SMC5: variants seen among roughly 807,000 people sequenced by gnomAD.
SMC5 encodes structural maintenance of chromosomes 5, also known as structural maintenance of chromosomes protein 5.
In SMC5, 88 loss-of-function variants were observed where a neutral mutation model predicts 148.3. The observed-to-expected ratio is 0.59, with a 90% CI of 0.50 to 0.71. The LOEUF (loss-of-function observed/expected upper bound fraction) is 0.71. SMC5 is among the 30% of genes least tolerant of loss of function. SMC5 has a pLI of 0.00. For missense variants in SMC5, 1,142 were observed against 1,298.9 expected, an observed-to-expected ratio of 0.88 and a Z score of 1.86; for synonymous variants, 421 against 432.8, an observed-to-expected ratio of 0.97 and a Z score of 0.34.
At chr9:70,310,374 A>G (rs2035625564) in intron 11 of SMC5, among the ~76,000 whole-genome samples, 1 of 152,076 alleles carries the variant, frequency 6.6e-6, no homozygotes, top group Non-Finnish European at 1.5e-5. Flanking sequence ...GTGACTAGGT[A>G]CATTGTCAGT....
intron 10 of SMC5, 27 bp downstream of exon 10, chr9:70,300,227 T>A: frequency 6.4e-7 from 1 of 1,560,274 alleles, no homozygotes; most frequent in East Asian, 2.3e-5. Flanking sequence ...ATCTTGGTAG[T>A]ATTGGTTTTA....
intron 10 of SMC5, among the ~76,000 whole-genome samples, chr9:70,303,900 C>G (rs1564045402): frequency 6.6e-6 from 1 of 152,056 alleles, no homozygotes; most frequent in African/African-American, 2.4e-5. Context: ...CTCTAAAATT[C>G]CCTAGATAGT....
intron 12 of SMC5, 150 bp from the exon 13 acceptor site, chr9:70,315,296 G>T (rs562569574): frequency 4.4e-4 from 170 of 382,256 alleles, no homozygotes; most frequent in Non-Finnish European, 6.0e-4. Context: ...AGTCATATGT[G>T]ATTTTAAAAT....
intron 14 of SMC5, 48 bp from the exon 15 acceptor site, chr9:70,318,746 A>G (rs778145872): frequency 1.9e-6 from 3 of 1,556,156 alleles, no homozygotes; most frequent in African/African-American, 1.4e-5. Context: ...TAATAGTTTC[A>G]CTGGAACAGT....
At chr9:70,268,504 A>T (rs1012006072) in intron 3 of SMC5, among the ~76,000 whole-genome samples, 3 of 152,118 alleles carry the variant, frequency 2.0e-5, no homozygotes, top group African/African-American at 7.2e-5. Flanking sequence ...AAAATTATCA[A>T]GGAAATGATA....
chr9:70,282,021 T>A (rs181200288), intron 6 of SMC5, among the ~76,000 whole-genome samples: 1 of 151,042 alleles, frequency 6.6e-6, no homozygotes, highest in East Asian at 2.0e-4. Flanking sequence ...TATTTTTCTT[T>A]TGACCCATTT....
rs554703284 is a variant in SMC5 at position 70,278,497 on chromosome 9, G to C, written c.550G>C (p.Val184Leu). ...NLCQFLPQDKVGEFAKLSKIE... is the reference protein window; with the variant it reads ...NLCQFLPQDKLGEFAKLSKIE... ...TTTAATTTTTGTGCTCTAGGACAAA[G>C]TTGGAGAATTTGCTAAACTCAGCAA... The change falls in exon 5 of 25, where the codon GTT (valine) becomes CTT (leucine). Residue 184 changes from valine (V) to leucine (L), a missense_variant. Physicochemically the swap from Val to Leu is conservative, Grantham distance 32 (BLOSUM62 1). Coordinates refer to ENST00000361138, the MANE Select transcript of SMC5 (RefSeq NM_015110.4). 6.2e-7 allele frequency: 1 copy of C among 1,605,106 alleles called. No individual in the cohort carries two copies. Among genetic ancestry groups the C allele is most frequent in the Non-Finnish European group, 8.5e-7 (1 of 1,177,768 alleles).
intron 8 of SMC5, among the ~76,000 whole-genome samples, chr9:70,296,534 C>T (rs11142356): frequency 0.22 from 32,157 of 147,608 alleles, 3,605 homozygotes; most frequent in South Asian, 0.29. Context: ...GCCTGGGCAA[C>T]AGAGTGAGAC....
intron 17 of SMC5, among the ~76,000 whole-genome samples, chr9:70,328,319 C>T (rs1342027978): frequency 6.6e-6 from 1 of 152,170 alleles, no homozygotes; most frequent in East Asian, 1.9e-4. Flanking sequence ...CCCTTTCCAC[C>T]TATGAACCTG....
chr9:70,323,662 A>T, intron 16 of SMC5, 56 bp downstream of exon 16: 1 of 1,549,440 alleles, frequency 6.5e-7, no homozygotes, highest in South Asian at 1.2e-5. Context: ...GGCAGATAAG[A>T]TAGTAAAATC....
intron 17 of SMC5, among the ~76,000 whole-genome samples, chr9:70,324,645 C>T (rs1194003625): frequency 2.6e-5 from 4 of 152,054 alleles, no homozygotes; most frequent in African/African-American, 9.7e-5. Flanking sequence ...CATAGGGGCT[C>T]GGTTCCCAAA....
At chr9:70,274,481 T>TC (rs927798391) in intron 3 of SMC5, among the ~76,000 whole-genome samples, 4 of 151,990 alleles carry the variant, frequency 2.6e-5, no homozygotes, top group African/African-American at 9.7e-5. Flanking sequence ...TTTTTTTTTT[T>TC]CCCAGTATTT....
rs1042253694 is a variant in SMC5 at position 70,352,933 on chromosome 9, G to GA, written c.*608dup. The GA allele has an allele frequency of 2.0e-5, 3 of 151,546 alleles. No homozygotes were observed. The highest frequency in any genetic ancestry group is 2.1e-4 in the South Asian group (1 of 4,790). 9.4% of individuals were successfully genotyped at this position (151,546 alleles called of 1,614,324 possible). Reference sequence around the variant, plus strand: ...TATAATTTTATTGGTATTTCAAGGGGAAAAAAGCACTGGGGTTCAAAAATG... The same window carrying GA: ...TATAATTTTATTGGTATTTCAAGGGGAAAAAAAGCACTGGGGTTCAAAAATG... On this transcript the variant is annotated 3_prime_UTR_variant, in exon 25 of 25. Coordinates refer to ENST00000361138, the MANE Select transcript of SMC5 (RefSeq NM_015110.4).
In SMC5 at chr9:70,305,223, A is replaced by G; in HGVS notation, c.1465-24A>G. On this transcript the variant is annotated intron_variant, in intron 10 of 24. Transcript: ENST00000361138. ...AATCAGTTGGGTTTCATGAAATTCG[A>G]CCTTTTTTTGCTTGTTTGTTTAGAT... The G allele has an allele frequency of 3.6e-6, 4 of 1,101,836 alleles. No individual in the cohort carries two copies. The South Asian group carries it at 5.8e-5, about 16-fold the overall frequency. The allele number at this position is 1,101,836 out of a possible 1,614,324, so 68.3% of individuals were successfully genotyped here. A position where few individuals can be genotyped will look rare whatever the true frequency, so the allele number is the denominator to read the frequency against.
chr9:70,346,487 G>A (rs116989868), intron 18 of SMC5, 118 bp from the exon 19 acceptor site: 26,394 of 996,338 alleles, frequency 0.026, 502 homozygotes, highest in Non-Finnish European at 0.031. Flanking sequence ...AAATTCAACT[G>A]TCAAAGTAAT....
At chr9:70,261,882 A>G (rs928813516) in intron 1 of SMC5, among the ~76,000 whole-genome samples, 1 of 152,246 alleles carries the variant, frequency 6.6e-6, no homozygotes, top group South Asian at 2.1e-4. Context: ...CACCTGCTAC[A>G]TTGAAGTCAG....
intron 11 of SMC5, among the ~76,000 whole-genome samples, chr9:70,313,976 G>A (rs949553115): frequency 6.6e-6 from 1 of 152,170 alleles, no homozygotes; most frequent in African/African-American, 2.4e-5. Context: ...AGTGGGGATT[G>A]TTGTTGTTTT....
chr9:70,286,298 T>C, intron 8 of SMC5, 27 bp downstream of exon 8: 1 of 1,431,718 alleles, frequency 7.0e-7, no homozygotes, highest in Non-Finnish European at 9.8e-7. Context: ...AAATTTTTAT[T>C]ACATTAAAGT....
At chr9:70,268,063 A>G in intron 3 of SMC5, 88 bp downstream of exon 3, 1 of 956,050 alleles carries the variant, frequency 1.0e-6, no homozygotes, top group Non-Finnish European at 1.6e-6. Context: ...AAGAGTATTA[A>G]TATAGTATTA....
Sources: allele counts gnomAD v4.1 joint callset (sites outside exome capture counted in the v4.1 genomes callset), GRCh38; gene constraint gnomAD v4.1.1; transcripts MANE v1.5; gene names NCBI Gene and HGNC (gene_info 2026-07-23, HGNC 2026-07-21).